CECR2: variants seen among roughly 807,000 people sequenced by gnomAD.
CECR2 encodes CECR2 histone acetyl-lysine reader.
In CECR2, 30 loss-of-function variants were observed where a neutral mutation model predicts 154.5. The ratio of observed to expected loss-of-function variants is 0.19; its 90% confidence interval spans 0.15 to 0.26. The LOEUF (loss-of-function observed/expected upper bound fraction) is 0.26. Ranked by LOEUF, CECR2 falls within the 10% of genes least tolerant of loss-of-function variation. The pLI, the probability that CECR2 is intolerant of heterozygous loss-of-function variation, is 1.00. For missense variants in CECR2, 1,743 were observed against 1,829.3 expected (o/e 0.95, Z 0.86); for synonymous variants, 725 against 683.7 (o/e 1.06, Z -0.94).
At chr22:17,510,880 C>G (rs890880405) in intron 7 of CECR2, among the ~76,000 whole-genome samples, 1 of 152,186 alleles carries the variant, frequency 6.6e-6, no homozygotes, top group South Asian at 2.1e-4. Flanking sequence ...GCTGGGATTA[C>G]AGGCGTGAGC....
At chr22:17,380,501 C>A (rs1305069705) in intron 1 of CECR2, among the ~76,000 whole-genome samples, 1 of 152,166 alleles carries the variant, frequency 6.6e-6, no homozygotes, top group Non-Finnish European at 1.5e-5. Flanking sequence ...TCTTTATGAG[C>A]TAAATCAGGT....
chr22:17,482,478 T>C (rs1289131511), intron 2 of CECR2, among the ~76,000 whole-genome samples: 2 of 152,134 alleles, frequency 1.3e-5, no homozygotes, highest in Non-Finnish European at 2.9e-5. Context: ...CTCTTACTGG[T>C]TTCTGTATTT....
chr22:17,505,534 C>CTTTTTTTTTTTTT (rs11387639), intron 7 of CECR2, among the ~76,000 whole-genome samples: 3 of 98,844 alleles, frequency 3.0e-5, no homozygotes, highest in East Asian at 3.3e-4. Context: ...CCTCTTTTTC[C>CTTTTTTTTTTTTT]TTTTTTTTTT....
At position 17,504,893 on chromosome 22, in the gene CECR2, A is replaced by C; in HGVS notation, c.747A>C (p.Thr249=). Residue 249 remains threonine, a synonymous_variant, in exon 7 of 19, where the codon ACA becomes ACC. Transcript: ENST00000262608. ...GTACTTGGTGGCTCCTGTGCCAGACAGAAGAGGAATGGAGACAGGTCACCG... is the reference window on the plus strand; with the variant it reads ...GTACTTGGTGGCTCCTGTGCCAGACCGAAGAGGAATGGAGACAGGTCACCG... ...GQGTWWLLCQ[T]EEEWRQVTES... is the part of the protein sequence containing the mutation. 6.2e-7 allele frequency: 1 copy of C among 1,613,882 alleles called. No individual in the cohort carries two copies. Among genetic ancestry groups the C allele is most frequent in the Non-Finnish European group, 8.5e-7 (1 of 1,179,842 alleles).
chr22:17,544,055 G>C (rs1001347433), intron 16 of CECR2, among the ~76,000 whole-genome samples: 1 of 152,124 alleles, frequency 6.6e-6, no homozygotes, highest in Non-Finnish European at 1.5e-5. Flanking sequence ...CATCATCATA[G>C]TTCCTCTAAA....
chr22:17,471,667 T>G (rs911036106), intron 1 of CECR2, among the ~76,000 whole-genome samples: 3 of 151,904 alleles, frequency 2.0e-5, no homozygotes, highest in African/African-American at 7.3e-5. Context: ...TCCCCGGTAG[T>G]TGGGATTACA....
chr22:17,363,525 C>T (rs542223835), intron 1 of CECR2, among the ~76,000 whole-genome samples: 2 of 152,014 alleles, frequency 1.3e-5, no homozygotes, highest in African/African-American at 4.8e-5. Context: ...GTATTTTAAG[C>T]AAAGACAGGG....
intron 1 of CECR2, among the ~76,000 whole-genome samples, chr22:17,437,859 G>A (rs1348015264): frequency 6.6e-6 from 1 of 152,186 alleles, no homozygotes; most frequent in Non-Finnish European, 1.5e-5. Flanking sequence ...CTTCAAGGAT[G>A]TATAGTGTGA....
chr22:17,394,846 G>A (rs2053783718), intron 1 of CECR2, among the ~76,000 whole-genome samples: 1 of 151,922 alleles, frequency 6.6e-6, no homozygotes, highest in Admixed American at 6.6e-5. Context: ...CCAAGTATAG[G>A]TTTTTTTGCT....
intron 1 of CECR2, among the ~76,000 whole-genome samples, chr22:17,412,856 T>C (rs954780516): frequency 2.0e-5 from 3 of 152,166 alleles, no homozygotes; most frequent in Non-Finnish European, 2.9e-5. Flanking sequence ...CTCGTGGCAG[T>C]GCGGGTGCGG....
intron 5 of CECR2, among the ~76,000 whole-genome samples, chr22:17,501,533 G>C (rs2055737567): frequency 6.6e-6 from 1 of 151,924 alleles, no homozygotes; most frequent in Non-Finnish European, 1.5e-5. Context: ...ACTCCAGCCT[G>C]GGCGACACAG....
intron 2 of CECR2, 58 bp downstream of exon 2, chr22:17,477,740 T>G (rs2055234201): frequency 1.6e-6 from 2 of 1,212,908 alleles, no homozygotes; most frequent in African/African-American, 1.5e-5. Flanking sequence ...TAACCAACCA[T>G]AGTGATGTTT....
chr22:17,401,828 ACC>A (rs34211703), intron 1 of CECR2, among the ~76,000 whole-genome samples: 9,429 of 114,226 alleles, frequency 0.083, 724 homozygotes, highest in African/African-American at 0.21. Context: ...AATATTTAAC[ACC>A]CCCCCCCGCC....
chr22:17,505,067 A>T (rs2055813895), intron 7 of CECR2, 51 bp downstream of exon 7: 5 of 1,558,006 alleles, frequency 3.2e-6, no homozygotes, highest in Non-Finnish European at 4.4e-6. Flanking sequence ...CTGATGCTGC[A>T]TTATTTAAGG....
At chr22:17,367,095 G>GCCGTTC (rs2063006119), upstream of CECR2, among the ~76,000 whole-genome samples, 1 of 152,180 alleles carries the variant, frequency 6.6e-6, no homozygotes, top group African/African-American at 2.4e-5. Context: ...GGGGGCGCGT[G>GCCGTTC]CCGTTCCCGG....
chr22:17,529,379 T>C (rs761873710), intron 9 of CECR2, among the ~76,000 whole-genome samples: 43 of 152,030 alleles, frequency 2.8e-4, no homozygotes, highest in Non-Finnish European at 5.7e-4. Flanking sequence ...CAGGGTCGCA[T>C]TGGGATGGGC....
chr22:17,495,244 A>C (rs2055602428), intron 2 of CECR2, among the ~76,000 whole-genome samples: 1 of 152,274 alleles, frequency 6.6e-6, no homozygotes, highest in East Asian at 1.9e-4. Context: ...CAAACAGCAC[A>C]TTATTACATG....
chr22:17,362,299 C>T (rs534386494), intron 1 of CECR2, among the ~76,000 whole-genome samples: 13 of 152,230 alleles, frequency 8.5e-5, no homozygotes, highest in African/African-American at 2.9e-4. Flanking sequence ...CTGCCTCGGC[C>T]TCCGAAAGTG....
chr22:17,409,228 G>A (rs2054032336), intron 1 of CECR2, among the ~76,000 whole-genome samples: 2 of 134,136 alleles, frequency 1.5e-5, no homozygotes, highest in Non-Finnish European at 3.4e-5. Flanking sequence ...CACCTCGCGG[G>A]TTCAAGCGAT....
Sources: allele counts gnomAD v4.1 joint callset (sites outside exome capture counted in the v4.1 genomes callset), GRCh38; gene constraint gnomAD v4.1.1; transcripts MANE v1.5; gene names NCBI Gene and HGNC (gene_info 2026-07-23, HGNC 2026-07-21).